AGBL4: variants seen among roughly 807,000 people sequenced by gnomAD.
AGBL4 encodes AGBL carboxypeptidase 4.
Under a neutral mutation model 66.4 loss-of-function variants are expected in AGBL4, and 58 were observed. The ratio of observed to expected loss-of-function variants is 0.87; its 90% CI spans 0.71 to 1.09. The LOEUF is 1.09. Among genes scored for constraint, AGBL4 ranks in the 50% least tolerant of loss-of-function variants. AGBL4 has a pLI of 0.00. For missense variants in AGBL4, 579 were observed against 631.0 expected (o/e 0.92, Z 0.88); for synonymous variants, 234 against 222.9 (o/e 1.05, Z -0.44).
At chr1:49,702,854 A>G (rs1647125726) in intron 2 of AGBL4, among the ~76,000 whole-genome samples, 2 of 152,122 alleles carry the variant, frequency 1.3e-5, no homozygotes, top group Admixed American at 6.6e-5. Context: ...CACAAGGATC[A>G]TCTAATAGAT....
At chr1:48,627,887 T>C (rs775941001) in intron 9 of AGBL4, among the ~76,000 whole-genome samples, 15 of 152,140 alleles carry the variant, frequency 9.9e-5, no homozygotes, top group Non-Finnish European at 1.9e-4. Context: ...CCCTGGGGGA[T>C]TCTTCCTAGC....
At chr1:49,363,034 T>C (rs945043796) in intron 3 of AGBL4, among the ~76,000 whole-genome samples, 3 of 152,126 alleles carry the variant, frequency 2.0e-5, no homozygotes, top group African/African-American at 4.8e-5. Context: ...AGTCAAGGTC[T>C]CCTGGATGGA....
intron 2 of AGBL4, among the ~76,000 whole-genome samples, chr1:49,823,096 T>C (rs1442533297): frequency 6.6e-6 from 1 of 152,218 alleles, no homozygotes; most frequent in Non-Finnish European, 1.5e-5. Context: ...TGAATCATCA[T>C]GTAGAATGAA....
chr1:48,581,777 C>A (rs1340574933), intron 11 of AGBL4, among the ~76,000 whole-genome samples: 2 of 152,194 alleles, frequency 1.3e-5, no homozygotes, highest in African/African-American at 2.4e-5. Context: ...TAACAACAAT[C>A]CTGTGATGTA....
At chr1:48,957,829 A>G (rs946031359) in intron 5 of AGBL4, among the ~76,000 whole-genome samples, 20 of 152,148 alleles carry the variant, frequency 1.3e-4, no homozygotes, top group Admixed American at 5.2e-4. Flanking sequence ...CAATCAATCA[A>G]TTAATCATCA....
intron 5 of AGBL4, among the ~76,000 whole-genome samples, chr1:49,024,136 A>G (rs1412859547): frequency 6.6e-6 from 1 of 152,200 alleles, no homozygotes; most frequent in African/African-American, 2.4e-5. Context: ...GAAATTACAG[A>G]TAATCATAGA....
intron 6 of AGBL4, among the ~76,000 whole-genome samples, chr1:48,747,066 T>C (rs903652643): frequency 1.3e-5 from 2 of 152,234 alleles, no homozygotes; most frequent in African/African-American, 4.8e-5. Context: ...TTACAACAAA[T>C]GCTTCAGATT....
chr1:49,971,758 T>A (rs1377136080), intron 1 of AGBL4, among the ~76,000 whole-genome samples: 1 of 151,772 alleles, frequency 6.6e-6, no homozygotes, highest in South Asian at 2.1e-4. Context: ...ACATGTGGCA[T>A]CAGAAAGTAC....
intron 3 of AGBL4, among the ~76,000 whole-genome samples, chr1:49,584,179 G>C (rs1337254607): frequency 6.6e-6 from 1 of 152,190 alleles, no homozygotes; most frequent in Non-Finnish European, 1.5e-5. Flanking sequence ...TCTGAGACCA[G>C]AAACTAGGGA....
intron 3 of AGBL4, among the ~76,000 whole-genome samples, chr1:49,653,823 A>T (rs1446554580): frequency 6.6e-6 from 1 of 151,964 alleles, no homozygotes; most frequent in African/African-American, 2.4e-5. Context: ...ATGGGATTAT[A>T]TAAAAAGACT....
chr1:48,607,107 A>G lies in AGBL4; in HGVS notation c.952-16122T>C, dbSNP rs370845586. Among the ~76,000 whole-genome samples, 364 of 152,356 alleles carry G rather than the reference A, an allele frequency of 2.4e-3. 1 individual carries two copies. Among genetic ancestry groups the G allele is most frequent in the South Asian group, 0.022 (105 of 4,826 alleles). ...GCCTGAAACATAGGAGGTGTTCAGT[A>G]ATCTTTTTCATACCATAATAATTAT... is the stretch of plus-strand genomic sequence containing the variant. On this transcript the variant is annotated intron_variant, in intron 9 of 13. Transcript: ENST00000371839.
At position 48,643,526 on chromosome 1, in the gene AGBL4, C is replaced by G. The variant is rs1413573504; in HGVS notation, c.840-8922G>C. On this transcript the variant is annotated intron_variant, in intron 8 of 13. Transcript: ENST00000371839. ...CTGGGTGTGATTCCTGGATCTCCTACTATTAAAGGCAGTACTTGGGCAAAT... is the reference window on the plus strand; with the variant it reads ...CTGGGTGTGATTCCTGGATCTCCTAGTATTAAAGGCAGTACTTGGGCAAAT... 2.0e-5 allele frequency among the ~76,000 whole-genome samples: 3 copies of G among 152,274 alleles called. No homozygotes were observed. In the East Asian group the frequency reaches 5.8e-4, roughly 30 times the overall value.
At chr1:48,952,569 C>T (rs377278950) in intron 5 of AGBL4, among the ~76,000 whole-genome samples, 2 of 152,204 alleles carry the variant, frequency 1.3e-5, no homozygotes, top group Admixed American at 1.3e-4. Context: ...TTCATATTCT[C>T]GCAAACACAC....
At chr1:49,855,461 T>C (rs890206379) in intron 1 of AGBL4, among the ~76,000 whole-genome samples, 1 of 152,136 alleles carries the variant, frequency 6.6e-6, no homozygotes, top group Non-Finnish European at 1.5e-5. Flanking sequence ...ATTCTTCTTA[T>C]CAGCACATGG....
In AGBL4 at chr1:48,578,891, G is replaced by A. The variant is rs1247168926; in HGVS notation, c.1267+8113C>T. ...GGGCAAAAGGTCATACTGGAACTGGGGTTTTAACTCACAGTCTAGCTTTCT... is the reference window on the plus strand; with the variant it reads ...GGGCAAAAGGTCATACTGGAACTGGAGTTTTAACTCACAGTCTAGCTTTCT... On this transcript the variant is annotated intron_variant, in intron 11 of 13. Coordinates refer to ENST00000371839, the MANE Select transcript of AGBL4 (RefSeq NM_032785.4). Among the ~76,000 whole-genome samples the A allele has an allele frequency of 3.3e-5, 5 of 151,932 alleles. No individual in the cohort carries two copies. The East Asian group carries it at 9.7e-4, about 29-fold the overall frequency.
chr1:49,443,285 T>C (rs1646076968), intron 3 of AGBL4, among the ~76,000 whole-genome samples: 1 of 152,172 alleles, frequency 6.6e-6, no homozygotes, highest in African/African-American at 2.4e-5. Flanking sequence ...AAGTCACATT[T>C]GCCTATTTTC....
chr1:49,714,632 A>T (rs1647951926), intron 2 of AGBL4, among the ~76,000 whole-genome samples: 1 of 151,072 alleles, frequency 6.6e-6, no homozygotes, highest in African/African-American at 2.4e-5. Flanking sequence ...ACATATACAC[A>T]CACAAATATT....
intron 1 of AGBL4, among the ~76,000 whole-genome samples, chr1:49,959,824 A>G (rs1394743236): frequency 6.6e-6 from 1 of 152,278 alleles, no homozygotes; most frequent in Middle Eastern, 3.4e-3. Context: ...AATGTGGTAC[A>G]TATAAACCAT....
At chr1:49,926,094 C>T (rs1652742751) in intron 1 of AGBL4, among the ~76,000 whole-genome samples, 1 of 152,194 alleles carries the variant, frequency 6.6e-6, no homozygotes, top group Non-Finnish European at 1.5e-5. Context: ...ATGCTGGCTT[C>T]AGGTCTAACC....
Sources: allele counts gnomAD v4.1 joint callset (sites outside exome capture counted in the v4.1 genomes callset), GRCh38; gene constraint gnomAD v4.1.1; transcripts MANE v1.5; gene names NCBI Gene and HGNC (gene_info 2026-07-23, HGNC 2026-07-21).